PCDH17: variants seen among roughly 807,000 people sequenced by gnomAD.
The protein encoded by PCDH17 is protocadherin 17.
Under a neutral mutation model 67.7 loss-of-function variants are expected in PCDH17, and 21 were observed. That is an observed-to-expected ratio of 0.31 (90% CI 0.22 to 0.45). The LOEUF is 0.45. Ranked by LOEUF, PCDH17 falls within the 20% of genes least tolerant of loss-of-function variation. The probability of loss-of-function intolerance (pLI) is 1.00; values close to 1 mark genes in which losing one functional copy is unlikely to be tolerated. For missense variants in PCDH17, 1,471 were observed against 1,564.8 expected (o/e 0.94, Z 1.01); for synonymous variants, 701 against 656.7 (o/e 1.07, Z -1.03).
At chr13:57,680,549 G>T (rs1188421235) in intron 3 of PCDH17, among the ~76,000 whole-genome samples, 1 of 151,364 alleles carries the variant, frequency 6.6e-6, no homozygotes, top group Non-Finnish European at 1.5e-5. Context: ...TTTTCAGTGT[G>T]GTTACCTAGT....
intron 1 of PCDH17, among the ~76,000 whole-genome samples, chr13:57,661,875 C>T (rs1315888867): frequency 6.6e-6 from 1 of 151,846 alleles, no homozygotes; most frequent in Non-Finnish European, 1.5e-5. Context: ...TTGTTGTTGT[C>T]GTTGTTTTTT....
intron 1 of PCDH17, among the ~76,000 whole-genome samples, chr13:57,659,491 A>G (rs1445527657): frequency 2.6e-5 from 4 of 152,152 alleles, no homozygotes; most frequent in Non-Finnish European, 5.9e-5. Flanking sequence ...TTAAAAATTA[A>G]AAACTTATAA....
chr13:57,657,141 G>T (rs912403444), intron 1 of PCDH17, among the ~76,000 whole-genome samples: 3 of 152,074 alleles, frequency 2.0e-5, no homozygotes, highest in African/African-American at 7.2e-5. Flanking sequence ...ATTTCAAAGA[G>T]TTAGCATTTG....
intron 3 of PCDH17, among the ~76,000 whole-genome samples, chr13:57,688,078 C>T (rs1328758452): frequency 2.0e-5 from 3 of 151,740 alleles, no homozygotes; most frequent in Non-Finnish European, 4.4e-5. Flanking sequence ...CATTCTCCTA[C>T]CCCCCCACCC....
Position 57,666,800 on chromosome 13 carries a change from A to T in PCDH17, c.2764A>T (p.Thr922Ser), listed in dbSNP as rs1467287547. The T allele has an allele frequency of 6.2e-7, 1 of 1,610,950 alleles. No homozygotes were observed. ...MSVREALKMK[T>S]TSTKSQPLEQ... is the part of the protein sequence containing the mutation. ...TGTTAGGGAGGCACTCAAGATGAAA[A>T]CTACTTCAACTAAAAGCCAACCACT... is the stretch of plus-strand genomic sequence containing the variant. The change falls in exon 3 of 4, where the codon ACT (threonine) becomes TCT (serine). Residue 922 changes from threonine to serine, a missense_variant. Transcript: ENST00000377918.
chr13:57,630,198 C>T (rs1026157891), upstream of PCDH17, among the ~76,000 whole-genome samples: 1 of 152,182 alleles, frequency 6.6e-6, no homozygotes, highest in Non-Finnish European at 1.5e-5. Flanking sequence ...GCTACTCCAA[C>T]TGTTGAATTG....
At chr13:57,714,242 A>G (rs937440602) in intron 3 of PCDH17, among the ~76,000 whole-genome samples, 2 of 151,714 alleles carry the variant, frequency 1.3e-5, no homozygotes, top group Non-Finnish European at 3.0e-5. Context: ...GCAATGGAAA[A>G]TAAGAGCTGC....
intron 1 of PCDH17, among the ~76,000 whole-genome samples, chr13:57,664,586 G>C (rs1007934663): frequency 1.3e-5 from 2 of 152,052 alleles, no homozygotes; most frequent in African/African-American, 4.8e-5. Context: ...AAAATCACAA[G>C]ACTACTTATA....
At chr13:57,706,205 T>A (rs1955719864) in intron 3 of PCDH17, among the ~76,000 whole-genome samples, 1 of 152,158 alleles carries the variant, frequency 6.6e-6, no homozygotes, top group African/African-American at 2.4e-5. Context: ...TTGGAACAAT[T>A]ACATATGTGT....
chr13:57,632,642 C>T lies in PCDH17; in HGVS notation c.96C>T (p.Gly32=). Residue 32 remains glycine (G), a synonymous_variant, in exon 1 of 4, where the codon GGC becomes GGT. Coordinates refer to ENST00000377918, the MANE Select transcript of PCDH17 (RefSeq NM_001040429.3). ...NYSVPEEQGA[G]TVIGNIGRDA... ...CCGTGCCGGAGGAGCAAGGGGCCGGCACGGTGATCGGGAACATCGGCAGGG... is the reference window on the plus strand; with the variant it reads ...CCGTGCCGGAGGAGCAAGGGGCCGGTACGGTGATCGGGAACATCGGCAGGG... The T allele has an allele frequency of 6.2e-6, 10 of 1,613,316 alleles. No individual in the cohort carries two copies. The highest frequency in any genetic ancestry group is 8.5e-6 in the Non-Finnish European group (10 of 1,179,970).
At chr13:57,710,123 G>C (rs533409356) in intron 3 of PCDH17, among the ~76,000 whole-genome samples, 1 of 151,866 alleles carries the variant, frequency 6.6e-6, no homozygotes, top group South Asian at 2.1e-4. Flanking sequence ...ATGGAAAGTG[G>C]GCTGTACAGG....
In PCDH17 at chr13:57,641,587, A is replaced by AATATATATAT. The variant is rs1166347188; in HGVS notation, c.2565+6503_2565+6512dup. 2.7e-3 allele frequency among the ~76,000 whole-genome samples: 55 copies of AATATATATAT among 20,576 alleles called. 1 individual carries two copies. Among genetic ancestry groups the AATATATATAT allele is most frequent in the Non-Finnish European group, 3.7e-3 (39 of 10,454 alleles). 13.5% of individuals were successfully genotyped at this position (20,576 alleles called of 152,430 possible). A position where few individuals can be genotyped will look rare whatever the true frequency, so the allele number is the denominator to read the frequency against. On this transcript the variant is annotated intron_variant, in intron 1 of 3. Transcript: ENST00000377918. ...AAAAAAAAAAAAAAAAAAAAAAAAA[A>AATATATATAT]ATATATATATATATATATATATATA...
intron 3 of PCDH17, among the ~76,000 whole-genome samples, chr13:57,694,951 A>G (rs1236715081): frequency 6.6e-6 from 1 of 151,144 alleles, no homozygotes; most frequent in African/African-American, 2.4e-5. Flanking sequence ...TGAGGAATAG[A>G]AAGATATTGG....
In PCDH17 at chr13:57,665,762, A is replaced by G. The variant is rs114631687; in HGVS notation, c.2566-706A>G. Among the ~76,000 whole-genome samples the G allele has an allele frequency of 5.9e-3, 896 of 152,306 alleles. 12 individuals carry two copies. Among genetic ancestry groups the G allele is most frequent in the African/African-American group, 0.019 (806 of 41,560 alleles). ...TTTGGAAGCAGTAAAAACAACCGCA[A>G]AAACAAGCCTGGTTTCTCAATGTCT... On this transcript the variant is annotated intron_variant, in intron 1 of 3. Transcript: ENST00000377918.
At chr13:57,658,867 C>T (rs1955146070) in intron 1 of PCDH17, among the ~76,000 whole-genome samples, 2 of 152,052 alleles carry the variant, frequency 1.3e-5, no homozygotes, top group South Asian at 4.1e-4. Context: ...TCAACCTCCG[C>T]CTCCTGGGTG....
Position 57,634,112 on chromosome 13 carries a change from C to T in PCDH17, c.1566C>T (p.Tyr522=). 1 of 1,613,650 alleles carries T rather than the reference C, an allele frequency of 6.2e-7. No individual in the cohort carries two copies. ...LPSHIGDVSI[Y]TYVSVNPTNG... ...CGCACATCGGCGACGTGTCTATCTACACCTATGTGTCTGTGAATCCCACGA... is the reference window on the plus strand; with the variant it reads ...CGCACATCGGCGACGTGTCTATCTATACCTATGTGTCTGTGAATCCCACGA... The change falls in exon 1 of 4, where the codon TAC becomes TAT. Residue 522 remains tyrosine (Y), a synonymous_variant. Coordinates refer to ENST00000377918, the MANE Select transcript of PCDH17 (RefSeq NM_001040429.3). The surrounding 1 kb of genome is among the most constrained non-coding windows in gnomAD (Gnocchi z 7.8).
chr13:57,690,782 T>C (rs1394745840), intron 3 of PCDH17, among the ~76,000 whole-genome samples: 1 of 151,598 alleles, frequency 6.6e-6, no homozygotes, highest in African/African-American at 2.4e-5. Flanking sequence ...TTATGTGTGA[T>C]ATAAATCATG....
Position 57,633,362 on chromosome 13 carries a change from A to C in PCDH17, c.816A>C (p.Glu272Asp). ...ATCTGAACGCCACCGACGCCGATGA[A>C]GGTCCCAATGGTGAAGTGCTCTACT... is the stretch of plus-strand genomic sequence containing the variant. ...VIDLNATDAD[E>D]GPNGEVLYSF... The change falls in exon 1 of 4, where the codon GAA becomes GAC. Residue 272 changes from glutamate (E) to aspartate (D), a missense_variant. By Grantham distance (45) the Glu-to-Asp change is conservative. This residue lies in a region of PCDH17 where 1,163 missense variants were observed against 1,230.0 expected (regional missense o/e 0.95). Coordinates refer to ENST00000377918, the MANE Select transcript of PCDH17 (RefSeq NM_001040429.3). The surrounding 1 kb of genome is among the most constrained non-coding windows in gnomAD (Gnocchi z 6.2). 6.2e-7 allele frequency: 1 copy of C among 1,613,252 alleles called. No individual in the cohort carries two copies. Among genetic ancestry groups the C allele is most frequent in the South Asian group, 1.1e-5 (1 of 91,080 alleles).
chr13:57,662,652 A>G (rs1176010724), intron 1 of PCDH17, among the ~76,000 whole-genome samples: 1 of 152,248 alleles, frequency 6.6e-6, no homozygotes, highest in East Asian at 1.9e-4. Flanking sequence ...TTTTCAGACA[A>G]GTTTTTTAAG....
Sources: allele counts gnomAD v4.1 joint callset (sites outside exome capture counted in the v4.1 genomes callset), GRCh38; gene constraint gnomAD v4.1.1; regional missense constraint gnomAD v4.1.1; non-coding constraint Gnocchi (gnomAD v3.1); transcripts MANE v1.5; gene names NCBI Gene and HGNC (gene_info 2026-07-23, HGNC 2026-07-21).